Variants in PARD3B observed in about 807,000 individuals in gnomAD.
PARD3B encodes par-3 family cell polarity regulator beta, also known as partitioning defective 3 homolog B.
PARD3B carries 103 observed loss-of-function variants against 130.2 expected under a neutral mutation model. The observed-to-expected ratio is 0.79, with a 90% confidence interval of 0.67 to 0.93. The LOEUF (loss-of-function observed/expected upper bound fraction) is 0.93. PARD3B is among the 40% of genes least tolerant of loss of function. PARD3B has a pLI of 0.00. For missense variants in PARD3B, 1,609 were observed against 1,499.2 expected (o/e 1.07, Z -1.21); for synonymous variants, 583 against 553.2 (o/e 1.05, Z -0.76).
chr2:204,712,563 G>C (rs2038501640), intron 2 of PARD3B, among the ~76,000 whole-genome samples: 1 of 144,538 alleles, frequency 6.9e-6, no homozygotes, highest in South Asian at 2.2e-4. Context: ...GCAATGAGCG[G>C]AGATCACGCC....
intron 2 of PARD3B, among the ~76,000 whole-genome samples, chr2:204,776,297 C>T (rs1327364509): frequency 3.3e-5 from 5 of 152,066 alleles, no homozygotes; most frequent in South Asian, 2.1e-4. Context: ...AGAGTTTACA[C>T]GTGTGGTTTG....
At chr2:205,103,526 T>G (rs1351965664) in intron 4 of PARD3B, among the ~76,000 whole-genome samples, 2 of 152,162 alleles carry the variant, frequency 1.3e-5, no homozygotes, top group South Asian at 2.1e-4. Flanking sequence ...AATAATGCAT[T>G]CAGATGCATA....
At chr2:205,324,159 G>A (rs1285123419) in intron 18 of PARD3B, among the ~76,000 whole-genome samples, 1 of 152,110 alleles carries the variant, frequency 6.6e-6, no homozygotes, top group Admixed American at 6.6e-5. Context: ...ATTAGGTGTT[G>A]CTACGTCACA....
intron 2 of PARD3B, among the ~76,000 whole-genome samples, chr2:204,722,686 TA>T (rs2039052579): frequency 6.6e-6 from 1 of 152,180 alleles, no homozygotes; most frequent in Non-Finnish European, 1.5e-5. Flanking sequence ...TGGTCCTTGT[TA>T]ATAAGGAAGG....
intron 2 of PARD3B, among the ~76,000 whole-genome samples, chr2:204,830,037 CT>C (rs2043750597): frequency 1.3e-5 from 2 of 149,742 alleles, no homozygotes; most frequent in African/African-American, 4.9e-5. Context: ...TGTAGCACTT[CT>C]CCCTTAGTGT....
At chr2:205,363,137 A>C (rs2044460543) in intron 18 of PARD3B, among the ~76,000 whole-genome samples, 1 of 152,152 alleles carries the variant, frequency 6.6e-6, no homozygotes, top group Non-Finnish European at 1.5e-5. Flanking sequence ...AATCAAGCAC[A>C]GGAAGCCATC....
chr2:204,810,561 C>A (rs2042928930), intron 2 of PARD3B, among the ~76,000 whole-genome samples: 1 of 152,034 alleles, frequency 6.6e-6, no homozygotes, highest in Non-Finnish European at 1.5e-5. Flanking sequence ...CATCTATTTT[C>A]TGCATCTGTA....
intron 1 of PARD3B, among the ~76,000 whole-genome samples, chr2:204,548,076 TC>T (rs1442678550): frequency 6.6e-6 from 1 of 152,074 alleles, no homozygotes; most frequent in African/African-American, 2.4e-5. Flanking sequence ...ATTTTTCCCC[TC>T]CCCAAGTATT....
chr2:205,453,809 G>A (rs1024038728), intron 20 of PARD3B, among the ~76,000 whole-genome samples: 1 of 152,172 alleles, frequency 6.6e-6, no homozygotes, highest in Non-Finnish European at 1.5e-5. Context: ...TTGTATTTTT[G>A]TTGCAGTTGT....
rs2105927408 is a variant in PARD3B, at chr2:205,309,190, C to A, written c.2630+7489C>A. ...AGTACACAAAACCCTAGGATACCTG[C>A]AGTACACATTCTAAGACAGGTGGGC... On this transcript the variant is annotated intron_variant, in intron 18 of 22. Transcript: ENST00000406610. The surrounding 1 kb of genome is among the most constrained non-coding windows in gnomAD (Gnocchi z 4.7). Among the ~76,000 whole-genome samples, 1 of 152,320 alleles carries A rather than the reference C, an allele frequency of 6.6e-6. No individual in the cohort carries two copies. Among genetic ancestry groups the A allele is most frequent in the East Asian group, 1.9e-4 (1 of 5,182 alleles).
intron 3 of PARD3B, among the ~76,000 whole-genome samples, chr2:205,023,162 G>A (rs1298694317): frequency 1.3e-5 from 2 of 152,138 alleles, no homozygotes; most frequent in African/African-American, 4.8e-5. Context: ...CGGTTGCATC[G>A]GAGTTAGCTC....
At position 205,341,219 on chromosome 2, in the gene PARD3B, G is replaced by A. The variant is rs1018345310; in HGVS notation, c.2630+39518G>A. Among the ~76,000 whole-genome samples the A allele has an allele frequency of 6.6e-6, 1 of 152,100 alleles. No homozygotes were observed. Among genetic ancestry groups the A allele is most frequent in the African/African-American group, 2.4e-5 (1 of 41,426 alleles). ...TCTATATTAAAATTAGGACTGCCAT[G>A]CAATCCAACAATCCCACTACTGGGT... On this transcript the variant is annotated intron_variant, in intron 18 of 22. Coordinates refer to ENST00000406610, the MANE Select transcript of PARD3B (RefSeq NM_001302769.2). This position sits in a 1 kb window ranked among gnomAD's most constrained non-coding sequence, Gnocchi z 4.3.
chr2:205,072,040 T>C (rs1458586930), intron 4 of PARD3B, among the ~76,000 whole-genome samples: 1 of 152,140 alleles, frequency 6.6e-6, no homozygotes, highest in East Asian at 1.9e-4. Flanking sequence ...TTCTTAAAAA[T>C]ATATGTAGTC....
At chr2:205,141,956 T>G (rs2032993387) in intron 10 of PARD3B, among the ~76,000 whole-genome samples, 1 of 152,224 alleles carries the variant, frequency 6.6e-6, no homozygotes, top group Admixed American at 6.5e-5. Flanking sequence ...GACAATGTTC[T>G]TTAAAAAATA....
In PARD3B at chr2:205,176,499, G is replaced by T. The variant is rs780906928; in HGVS notation, c.1846G>T (p.Ala616Ser). The T allele has an allele frequency of 1.9e-6, 3 of 1,612,780 alleles. No homozygotes were observed. The highest frequency in any genetic ancestry group is 2.7e-5 in the African/African-American group (2 of 74,986). The part of the protein sequence containing the change: ...SKPCFENCQN[A>S]VTTSRRNDNS... ...GCCATGCTTTGAGAACTGTCAAAAT[G>T]CTGTAACCACCTCTAGGCGAAATGA... Residue 616 changes from alanine to serine, a missense_variant, in exon 13 of 23, where the codon GCT (alanine) becomes TCT (serine). Ala to Ser is a moderately conservative substitution (Grantham distance 99). Transcript: ENST00000406610. This position sits in a 1 kb window ranked among gnomAD's most constrained non-coding sequence, Gnocchi z 5.3.
chr2:205,245,715 G>A, intron 15 of PARD3B, 63 bp from the exon 16 acceptor site: 7 of 1,317,796 alleles, frequency 5.3e-6, no homozygotes, highest in Non-Finnish European at 7.6e-6. Context: ...TTAATTTACT[G>A]TTTAAAAATT....
At chr2:204,758,289 C>T (rs80143942) in intron 2 of PARD3B, among the ~76,000 whole-genome samples, 3,154 of 152,200 alleles carry the variant, frequency 0.021, 122 homozygotes, top group African/African-American at 0.071. Flanking sequence ...TGCCCAAGCC[C>T]AGAGTCAGTA....
rs1203178849 is a variant in PARD3B at position 205,274,447 on chromosome 2, A to G, written c.2186-26083A>G. Among the ~76,000 whole-genome samples, 1 of 152,054 alleles carries G rather than the reference A, an allele frequency of 6.6e-6. No individual in the cohort carries two copies. Among genetic ancestry groups the G allele is most frequent in the Non-Finnish European group, 1.5e-5 (1 of 67,978 alleles). On this transcript the variant is annotated intron_variant, in intron 16 of 22. Coordinates refer to ENST00000406610, the MANE Select transcript of PARD3B (RefSeq NM_001302769.2). This position sits in a 1 kb window ranked among gnomAD's most constrained non-coding sequence, Gnocchi z 4.2. ...TATTACTGAGGAAGAAACCTGTAGT[A>G]ATCTTATTCACCTCATTGGTAAGTT...
chr2:205,189,234 C>A (rs1250884613), intron 14 of PARD3B, among the ~76,000 whole-genome samples: 1 of 152,194 alleles, frequency 6.6e-6, no homozygotes, highest in Non-Finnish European at 1.5e-5. Flanking sequence ...CATCTGTGGA[C>A]ACCTGAGACT....
Sources: allele counts gnomAD v4.1 joint callset (sites outside exome capture counted in the v4.1 genomes callset), GRCh38; gene constraint gnomAD v4.1.1; non-coding constraint Gnocchi (gnomAD v3.1); transcripts MANE v1.5; gene names NCBI Gene and HGNC (gene_info 2026-07-23, HGNC 2026-07-21).